The following PHF21B variants were observed in gnomAD, a reference collection of about 807,000 sequenced individuals.
PHF21B encodes PHD finger protein 4.
Under a neutral mutation model 62.2 loss-of-function variants are expected in PHF21B, and 22 were observed. The observed-to-expected ratio is 0.35, with a 90% CI of 0.25 to 0.51. PHF21B has a LOEUF of 0.51. Ranked by LOEUF, PHF21B falls within the 20% of genes least tolerant of loss-of-function variation. The pLI, the probability that PHF21B is intolerant of heterozygous loss-of-function variation, is 0.97. For missense variants in PHF21B, 701 were observed against 707.9 expected (o/e 0.99, Z 0.11); for synonymous variants, 341 against 314.7 (o/e 1.08, Z -0.88).
At chr22:44,888,925 G>A (rs2070910328) in intron 9 of PHF21B, among the ~76,000 whole-genome samples, 1 of 152,224 alleles carries the variant, frequency 6.6e-6, no homozygotes, top group Non-Finnish European at 1.5e-5. Context: ...CTCCAAGTCT[G>A]TGGGCTCTGT....
At chr22:44,906,259 G>A (rs943538515) in intron 5 of PHF21B, among the ~76,000 whole-genome samples, 4 of 152,322 alleles carry the variant, frequency 2.6e-5, no homozygotes, top group Non-Finnish European at 4.4e-5. Flanking sequence ...CTGATGGACG[G>A]GGTGCTTGGA....
In PHF21B at chr22:44,891,305, C is replaced by T; in HGVS notation, c.1015+1G>A. 2 of 1,613,876 alleles carry T rather than the reference C, an allele frequency of 1.2e-6. No individual in the cohort carries two copies. The highest frequency in any genetic ancestry group is 1.3e-5 in the African/African-American group (1 of 75,078). ...GCAGAAGGCCTGAAGCCGGTGCTTA[C>T]CTCTCGCTGTGAGGAACAGGGGGTT... On this transcript the variant is annotated splice_donor_variant, in intron 8 of 12. Coordinates refer to ENST00000313237, the MANE Select transcript of PHF21B (RefSeq NM_138415.5). LOFTEE classifies it high-confidence loss of function.
intron 2 of PHF21B, among the ~76,000 whole-genome samples, chr22:44,925,723 C>A (rs1006093544): frequency 1.3e-5 from 2 of 152,194 alleles, no homozygotes; most frequent in Non-Finnish European, 2.9e-5. Flanking sequence ...ACCTCAGGTG[C>A]CACCTGATGC....
At chr22:45,007,584 C>T (rs1341726056) in intron 2 of PHF21B, among the ~76,000 whole-genome samples, 1 of 106,464 alleles carries the variant, frequency 9.4e-6, no homozygotes, top group Non-Finnish European at 1.9e-5. Flanking sequence ...GAGGGGGCAG[C>T]GGAGGGAGGG....
Position 44,919,314 on chromosome 22 carries a change from G to A in PHF21B, c.213+1084C>T, listed in dbSNP as rs538538316. 1.3e-3 allele frequency among the ~76,000 whole-genome samples: 202 copies of A among 152,356 alleles called. 1 individual carries two copies. The highest frequency in any genetic ancestry group is 2.2e-3 in the Non-Finnish European group (151 of 68,032). ...GCTGCATGCGGCCCAGGATGGCTTC[G>A]AATGCGGCTCAACACAAATTCAAAC... is the stretch of plus-strand genomic sequence containing the variant. On this transcript the variant is annotated intron_variant, in intron 3 of 12. Coordinates refer to ENST00000313237, the MANE Select transcript of PHF21B (RefSeq NM_138415.5).
intron 4 of PHF21B, among the ~76,000 whole-genome samples, chr22:44,914,866 T>A (rs1056806093): frequency 6.6e-6 from 1 of 152,194 alleles, no homozygotes; most frequent in Admixed American, 6.5e-5. Flanking sequence ...TGGGCCAGGA[T>A]CCGCTCCATC....
chr22:44,996,062 G>A (rs2073117353), intron 2 of PHF21B, among the ~76,000 whole-genome samples: 3 of 152,074 alleles, frequency 2.0e-5, no homozygotes, highest in African/African-American at 7.2e-5. Context: ...TTCATTTCTG[G>A]CTTCTCTTGA....
intron 5 of PHF21B, among the ~76,000 whole-genome samples, chr22:44,899,285 CTTTTTTTTTTTT>C (rs71188499): frequency 2.1e-5 from 2 of 97,560 alleles, no homozygotes; most frequent in African/African-American, 7.2e-5. Context: ...TGTTCTTATT[CTTTTTTTTTTTT>C]TTTTTTTTTT....
intron 5 of PHF21B, among the ~76,000 whole-genome samples, chr22:44,909,386 C>T (rs534305217): frequency 9.8e-5 from 15 of 152,316 alleles, no homozygotes; most frequent in Admixed American, 6.5e-4. Context: ...CGAGCCAGGG[C>T]CTCACAGTGC....
In PHF21B at chr22:44,907,166, T is replaced by C. The variant is rs575382648; in HGVS notation, c.831+6656A>G. Among the ~76,000 whole-genome samples, 366 of 152,356 alleles carry C rather than the reference T, an allele frequency of 2.4e-3. 1 individual carries two copies. Among genetic ancestry groups the C allele is most frequent in the African/African-American group, 8.2e-3 (340 of 41,580 alleles). Reference sequence around the variant, plus strand: ...CAGCCTGGGAACCTCAGTCTGACAGTGGCCCCGCCCACCCCCAGCCTCCGC... The same window carrying C: ...CAGCCTGGGAACCTCAGTCTGACAGCGGCCCCGCCCACCCCCAGCCTCCGC... On this transcript the variant is annotated intron_variant, in intron 5 of 12. Transcript: ENST00000313237.
At position 45,009,724 on chromosome 22, in the gene PHF21B, A is replaced by C; in HGVS notation, c.-175T>G. ...GAAGGGGGCTGGCGAAGGGGAAGAC[A>C]GGCTTCCGGGCGCCGCGGCGCCGAG... is the stretch of plus-strand genomic sequence containing the variant. On this transcript the variant is annotated 5_prime_UTR_variant, in exon 1 of 13. Coordinates refer to ENST00000313237, the MANE Select transcript of PHF21B (RefSeq NM_138415.5). This position sits in a 1 kb window ranked among gnomAD's most constrained non-coding sequence, Gnocchi z 5.9. The C allele has an allele frequency of 1.9e-6, 1 of 539,942 alleles. No homozygotes were observed. Among genetic ancestry groups the C allele is most frequent in the Non-Finnish European group, 3.0e-6 (1 of 329,252 alleles). The allele number at this position is 539,942 out of a possible 1,614,324, so 33.4% of individuals were successfully genotyped here.
At chr22:44,913,552 T>C (rs1430766062) in intron 5 of PHF21B, among the ~76,000 whole-genome samples, 6 of 152,226 alleles carry the variant, frequency 3.9e-5, no homozygotes, top group African/African-American at 1.2e-4. Flanking sequence ...CACTGGAAAC[T>C]GGCAGTGCAG....
At chr22:44,955,134 G>A (rs1309038673) in intron 2 of PHF21B, among the ~76,000 whole-genome samples, 1 of 152,204 alleles carries the variant, frequency 6.6e-6, no homozygotes, top group African/African-American at 2.4e-5. Context: ...CGGTCATGCT[G>A]TGTCTCCCAG....
chr22:44,963,738 C>T (rs1480042103), intron 2 of PHF21B, among the ~76,000 whole-genome samples: 1 of 152,226 alleles, frequency 6.6e-6, no homozygotes, highest in African/African-American at 2.4e-5. Flanking sequence ...CAGCCCACAG[C>T]AGAGTCAGGT....
intron 2 of PHF21B, among the ~76,000 whole-genome samples, chr22:44,998,618 C>G (rs1008742497): frequency 6.6e-6 from 1 of 152,182 alleles, no homozygotes; most frequent in Non-Finnish European, 1.5e-5. Flanking sequence ...CACAGACTCC[C>G]AAGTCAGGGG....
At chr22:44,973,942 G>T (rs980093664) in intron 2 of PHF21B, among the ~76,000 whole-genome samples, 1 of 152,170 alleles carries the variant, frequency 6.6e-6, no homozygotes, top group African/African-American at 2.4e-5. Flanking sequence ...GGACAATGTA[G>T]GCAGAATTAG....
intron 2 of PHF21B, chr22:44,933,508 CT>C: frequency 1.0e-6 from 1 of 985,492 alleles, no homozygotes; most frequent in Non-Finnish European, 1.2e-6. Flanking sequence ...ATGAGAGGTT[CT>C]GCCCGCGATC....
chr22:44,907,817 A>AT (rs2071277831), intron 5 of PHF21B, among the ~76,000 whole-genome samples: 2 of 152,174 alleles, frequency 1.3e-5, no homozygotes, highest in Admixed American at 1.3e-4. Flanking sequence ...GGCCCTGACA[A>AT]TTATTAGAGG....
At chr22:44,923,305 A>G (rs1325118408) in intron 2 of PHF21B, among the ~76,000 whole-genome samples, 1 of 150,702 alleles carries the variant, frequency 6.6e-6, no homozygotes, top group Non-Finnish European at 1.5e-5. Context: ...ACAGAAAAGA[A>G]CTTCAGTCCA....
Sources: gnomAD v4.1 joint callset for allele counts (sites outside exome capture counted in the v4.1 genomes callset) on GRCh38, gnomAD v4.1.1 for gene constraint, Gnocchi (gnomAD v3.1) non-coding constraint, MANE v1.5 for transcripts, NCBI Gene and HGNC (gene_info 2026-07-23, HGNC 2026-07-21) for gene names.